Variants in PVT1 observed in about 807,000 individuals in gnomAD.
PVT1 encodes CXCR4/PVT1 fusion.
At chr8:127,983,335 T>C (rs1816906289) in intron 3 of PVT1, among the ~76,000 whole-genome samples, 1 of 152,226 alleles carries the variant, frequency 6.6e-6, no homozygotes, top group Admixed American at 6.5e-5. Flanking sequence ...CTTTGTAGTT[T>C]TCTACGTAAT....
chr8:127,950,242 T>G (rs534801870), intron 3 of PVT1, among the ~76,000 whole-genome samples: 1 of 152,246 alleles, frequency 6.6e-6, no homozygotes, highest in East Asian at 1.9e-4. Context: ...GGTGCTACTG[T>G]GTGCCAAGTC....
At chr8:128,065,718 G>A (rs552217761) in intron 4 of PVT1, among the ~76,000 whole-genome samples, 9 of 151,454 alleles carry the variant, frequency 5.9e-5, no homozygotes, top group Admixed American at 4.6e-4. Flanking sequence ...ATGCACCAAG[G>A]GGGGAAGAAG....
At chr8:128,095,467 A>G (rs981434345) in intron 5 of PVT1, among the ~76,000 whole-genome samples, 1 of 152,234 alleles carries the variant, frequency 6.6e-6, no homozygotes, top group Admixed American at 6.5e-5. Context: ...GGCACACGAT[A>G]GAATCTCATT....
chr8:127,940,080 T>A (rs1816329359), intron 3 of PVT1: 1 of 152,174 alleles, frequency 6.6e-6, no homozygotes, highest in African/African-American at 2.4e-5. Flanking sequence ...CTCGCTGTTA[T>A]GGGACCGCTT....
intron 2 of PVT1, among the ~76,000 whole-genome samples, chr8:127,858,059 G>A (rs1586409535): frequency 6.6e-6 from 1 of 152,270 alleles, no homozygotes; most frequent in East Asian, 1.9e-4. Context: ...ATCATCTTTG[G>A]TGTGAGAAAT....
intron 2 of PVT1, among the ~76,000 whole-genome samples, chr8:127,824,100 G>C (rs1277403005): frequency 6.6e-6 from 1 of 152,118 alleles, no homozygotes; most frequent in East Asian, 1.9e-4. Flanking sequence ...AGGATTGCTC[G>C]AGCCCAGGAG....
In PVT1 at chr8:128,014,931, G is replaced by C. The variant is rs1295080008; in HGVS notation, n.912+25640G>C. On this transcript the variant is annotated intron_variant and non_coding_transcript_variant, in intron 4 of 10. Coordinates refer to ENST00000651587, the Ensembl canonical transcript of PVT1. ...AGCTGGGTGCTGTGGAAAGATCATA[G>C]ACTTTAGAAACTGTCCAAGAAACTA... Among the ~76,000 whole-genome samples the C allele has an allele frequency of 3.3e-5, 5 of 152,116 alleles. No homozygotes were observed. The East Asian group carries it at 7.7e-4, about 23-fold the overall frequency.
At chr8:127,884,331 C>T (rs759526942) in intron 2 of PVT1, among the ~76,000 whole-genome samples, 1 of 152,168 alleles carries the variant, frequency 6.6e-6, no homozygotes, top group Non-Finnish European at 1.5e-5. Context: ...TCTCACTGGT[C>T]GCTAGATTGT....
At chr8:127,796,144 T>G (rs934873644) in intron 2 of PVT1, 2 of 168,420 alleles carry the variant, frequency 1.2e-5, no homozygotes, top group African/African-American at 4.8e-5. Context: ...GTTGCTGTTT[T>G]GCCTGGTTAA....
intron 2 of PVT1, among the ~76,000 whole-genome samples, chr8:127,838,265 G>T (rs1359765318): frequency 1.3e-5 from 2 of 152,130 alleles, no homozygotes; most frequent in Non-Finnish European, 1.5e-5. Flanking sequence ...ACAATTTGCT[G>T]CAGAGTGAGG....
intron 4 of PVT1, among the ~76,000 whole-genome samples, chr8:128,011,257 A>G (rs543893901): frequency 2.0e-5 from 3 of 152,304 alleles, no homozygotes; most frequent in Admixed American, 6.5e-5. Flanking sequence ...TTAGCAAGAT[A>G]ATCTTTTGTG....
chr8:127,940,185 C>T (rs1393019957), intron 3 of PVT1: 1 of 152,206 alleles, frequency 6.6e-6, no homozygotes, highest in African/African-American at 2.4e-5. Flanking sequence ...TATGTTAGTT[C>T]ATCTCGAGCC....
rs200108920 is a variant in PVT1, at chr8:127,900,362, AT to A, written n.782+9367del. 6.8e-3 allele frequency among the ~76,000 whole-genome samples: 1,029 copies of A among 151,206 alleles called. 12 individuals carry two copies. The highest frequency in any genetic ancestry group is 0.024 in the African/African-American group (971 of 40,590). ...AGCCTGGATCATTGTCTTTAAAGAAATTTAAAAAAAAAAATAGATAAATGGG... is the reference window on the plus strand; with the variant it reads ...AGCCTGGATCATTGTCTTTAAAGAAATTAAAAAAAAAAATAGATAAATGGG... On this transcript the variant is annotated intron_variant and non_coding_transcript_variant, in intron 3 of 10. Transcript: ENST00000651587.
intron 2 of PVT1, among the ~76,000 whole-genome samples, chr8:127,844,796 C>G (rs1391319985): frequency 6.6e-6 from 1 of 152,118 alleles, no homozygotes; most frequent in Non-Finnish European, 1.5e-5. Context: ...TCACTGCAAG[C>G]TCCGCCTCCT....
intron 3 of PVT1, among the ~76,000 whole-genome samples, chr8:127,972,215 G>A (rs1440637002): frequency 6.6e-6 from 1 of 152,220 alleles, no homozygotes; most frequent in African/African-American, 2.4e-5. Flanking sequence ...CTGTCAGTGC[G>A]CCACCCATAT....
chr8:127,952,450 A>G (rs1816516453), intron 3 of PVT1, among the ~76,000 whole-genome samples: 1 of 152,222 alleles, frequency 6.6e-6, no homozygotes, highest in Admixed American at 6.5e-5. Context: ...TACTCAGCAC[A>G]AATTTCCCCA....
At chr8:127,823,118 G>A (rs567620435) in intron 2 of PVT1, among the ~76,000 whole-genome samples, 3 of 152,296 alleles carry the variant, frequency 2.0e-5, no homozygotes, top group African/African-American at 7.2e-5. Context: ...AAAGTGGCAC[G>A]TATGCTATGA....
At chr8:128,041,286 TTGTA>T (rs752102597) in intron 4 of PVT1, among the ~76,000 whole-genome samples, 56 of 139,880 alleles carry the variant, frequency 4.0e-4, no homozygotes, top group Admixed American at 2.4e-3. Flanking sequence ...GTGTTTATGC[TTGTA>T]TGTTTGTGTT....
intron 2 of PVT1, among the ~76,000 whole-genome samples, chr8:127,853,187 A>G (rs1815123587): frequency 6.6e-6 from 1 of 152,228 alleles, no homozygotes; most frequent in African/African-American, 2.4e-5. Flanking sequence ...CTATAATGCA[A>G]TCGTGAAAGA....
Sources: allele counts gnomAD v4.1 joint callset (sites outside exome capture counted in the v4.1 genomes callset), GRCh38; gene constraint gnomAD v4.1.1; transcripts MANE v1.5; gene names NCBI Gene and HGNC (gene_info 2026-07-23, HGNC 2026-07-21).